Variants in SOX5 observed in about 807,000 individuals in gnomAD.
SOX5 encodes SRY-box transcription factor 5.
In SOX5, 9 loss-of-function variants were observed where a neutral mutation model predicts 92.0. That is an observed-to-expected ratio of 0.10 (90% confidence interval 0.06 to 0.17). The LOEUF is 0.17. SOX5 is among the 10% of genes least tolerant of loss of function. The probability of loss-of-function intolerance (pLI) is 1.00; values close to 1 mark genes in which losing one functional copy is unlikely to be tolerated. For synonymous variants in SOX5, 344 were observed against 336.3 expected (o/e 1.02, Z -0.25); for missense variants, 642 against 944.5 (o/e 0.68, Z 4.20).
At chr12:24,515,029 G>A (rs965407738) in intron 1 of SOX5, among the ~76,000 whole-genome samples, 3 of 152,112 alleles carry the variant, frequency 2.0e-5, no homozygotes, top group African/African-American at 7.2e-5. Context: ...GCCTGCACAT[G>A]TACCCTAAAC....
chr12:23,588,116 G>A (rs894241647), intron 9 of SOX5, among the ~76,000 whole-genome samples: 1 of 152,016 alleles, frequency 6.6e-6, no homozygotes, highest in Non-Finnish European at 1.5e-5. Context: ...GTTAAGGCCA[G>A]TTTTTATGTT....
intron 1 of SOX5, among the ~76,000 whole-genome samples, chr12:24,416,000 G>C (rs1435157214): frequency 6.6e-6 from 1 of 152,194 alleles, no homozygotes; most frequent in East Asian, 1.9e-4. Context: ...AAGACTTACA[G>C]AAAACTTATC....
In SOX5 at chr12:23,759,005, C is replaced by A. The variant is rs550037842; in HGVS notation, c.482-3281G>T. On this transcript the variant is annotated intron_variant, in intron 3 of 14. Coordinates refer to ENST00000451604, the MANE Select transcript of SOX5 (RefSeq NM_006940.6). ...AGTCTGTGTTATTCTGTTATGGCAACACAAAACACACACACACACACACAG... is the reference window on the plus strand; with the variant it reads ...AGTCTGTGTTATTCTGTTATGGCAAAACAAAACACACACACACACACACAG... 4.4e-4 allele frequency among the ~76,000 whole-genome samples: 50 copies of A among 112,624 alleles called. 1 individual carries two copies. In the South Asian group the frequency reaches 0.015, roughly 34 times the overall value. 73.9% of individuals were successfully genotyped at this position (112,624 alleles called of 152,430 possible). A position where few individuals can be genotyped will look rare whatever the true frequency, so the allele number is the denominator to read the frequency against.
intron 2 of SOX5, among the ~76,000 whole-genome samples, chr12:24,331,954 A>C (rs1434575761): frequency 6.6e-6 from 1 of 151,886 alleles, no homozygotes; most frequent in African/African-American, 2.4e-5. Context: ...GTTTTATAGA[A>C]TATAAAAGAA....
In SOX5 at chr12:23,754,098, T is replaced by C. The variant is rs191051627; in HGVS notation, c.568+1540A>G. Among the ~76,000 whole-genome samples, 672 of 151,984 alleles carry C rather than the reference T, an allele frequency of 4.4e-3. 8 individuals carry two copies. The highest frequency in any genetic ancestry group is 5.4e-3 in the Non-Finnish European group (365 of 67,870). On this transcript the variant is annotated intron_variant, in intron 4 of 14. Transcript: ENST00000451604. ...AGAAACTTCTTTTGTGATTGTACTG[T>C]AGCTTCCTAAACTAACCCCCAAGGC...
intron 6 of SOX5, among the ~76,000 whole-genome samples, chr12:23,716,216 C>G (rs2092483283): frequency 1.3e-5 from 2 of 152,072 alleles, no homozygotes; most frequent in African/African-American, 4.8e-5. Flanking sequence ...TTCAATTTGA[C>G]TAAGGTCAAA....
rs1172787679 is a variant in SOX5 at position 23,779,788 on chromosome 12, AATAT to A, written c.482-24068_482-24065del. On this transcript the variant is annotated intron_variant, in intron 3 of 14. Transcript: ENST00000451604. ...TTGAATCTTCAATTTCACAGATTAA[AATAT>A]ATATATATATATATATATATATACA... Among the ~76,000 whole-genome samples, 626 of 110,524 alleles carry A rather than the reference AATAT, an allele frequency of 5.7e-3. 9 individuals carry two copies. The highest frequency in any genetic ancestry group is 0.02 in the African/African-American group (535 of 26,742). 72.5% of individuals were successfully genotyped at this position (110,524 alleles called of 152,430 possible).
At chr12:24,389,391 A>G (rs1958760343) in intron 1 of SOX5, among the ~76,000 whole-genome samples, 1 of 152,100 alleles carries the variant, frequency 6.6e-6, no homozygotes, top group African/African-American at 2.4e-5. Flanking sequence ...AGTCTTTGCT[A>G]TTGTGAAATT....
chr12:24,424,564 C>T (rs1966417958), intron 1 of SOX5, among the ~76,000 whole-genome samples: 1 of 152,106 alleles, frequency 6.6e-6, no homozygotes. Flanking sequence ...CCCCACCCCC[C>T]AAGTTACTAG....
At chr12:24,522,365 T>C (rs1013355821) in intron 1 of SOX5, among the ~76,000 whole-genome samples, 2 of 151,898 alleles carry the variant, frequency 1.3e-5, no homozygotes, top group Non-Finnish European at 2.9e-5. Context: ...GCCAAGCCTT[T>C]TTAAACATTT....
chr12:24,336,385 G>A (rs1951906352), intron 2 of SOX5, among the ~76,000 whole-genome samples: 1 of 152,058 alleles, frequency 6.6e-6, no homozygotes. Context: ...AAGCCACCGC[G>A]TCCAGCCGGG....
chr12:23,901,419 A>C (rs114673433), intron 1 of SOX5, among the ~76,000 whole-genome samples: 2,554 of 152,318 alleles, frequency 0.017, 68 homozygotes, highest in African/African-American at 0.058. Context: ...TTACAGCAGC[A>C]ATAAAAAAGG....
intron 3 of SOX5, among the ~76,000 whole-genome samples, chr12:23,762,896 A>G (rs2094603578): frequency 6.6e-6 from 1 of 152,196 alleles, no homozygotes. Context: ...ACTAAAAGAT[A>G]GGCATTATTC....
chr12:23,582,980 GA>G (rs1321076260), intron 9 of SOX5, among the ~76,000 whole-genome samples: 5 of 151,806 alleles, frequency 3.3e-5, no homozygotes, highest in Non-Finnish European at 5.9e-5. Flanking sequence ...CTTGTTTTCC[GA>G]CTTTGTTGAA....
At chr12:24,012,558 C>T (rs1953069903) in intron 4 of SOX5, among the ~76,000 whole-genome samples, 1 of 152,104 alleles carries the variant, frequency 6.6e-6, no homozygotes, top group South Asian at 2.1e-4. Flanking sequence ...CTGACTCATC[C>T]TCATAACTCC....
intron 4 of SOX5, among the ~76,000 whole-genome samples, chr12:24,049,138 A>G (rs550962033): frequency 2.0e-5 from 3 of 152,228 alleles, no homozygotes; most frequent in African/African-American, 4.8e-5. Flanking sequence ...ATGAGAAACA[A>G]CTGAACAAAT....
At chr12:24,545,399 T>A (rs760033614) in intron 1 of SOX5, among the ~76,000 whole-genome samples, 1 of 152,186 alleles carries the variant, frequency 6.6e-6, no homozygotes, top group African/African-American at 2.4e-5. Flanking sequence ...TTGTCACACA[T>A]AACAGTTTTC....
chr12:23,808,131 ATT>A (rs926425496), intron 3 of SOX5, among the ~76,000 whole-genome samples: 23 of 137,158 alleles, frequency 1.7e-4, no homozygotes, highest in Non-Finnish European at 3.4e-4. Context: ...ATATATATAT[ATT>A]TTTATATGAA....
At chr12:24,532,265 G>A (rs147221221) in intron 1 of SOX5, among the ~76,000 whole-genome samples, 249 of 152,180 alleles carry the variant, frequency 1.6e-3, no homozygotes, top group African/African-American at 5.1e-3. Context: ...ATCTTTCTCT[G>A]TCCTGCCTTA....
Sources: allele counts gnomAD v4.1 joint callset (sites outside exome capture counted in the v4.1 genomes callset), GRCh38; gene constraint gnomAD v4.1.1; transcripts MANE v1.5; gene names NCBI Gene and HGNC (gene_info 2026-07-23, HGNC 2026-07-21).